Variants in REV3L observed in about 807,000 individuals in gnomAD.
REV3L encodes REV3 like, DNA directed polymerase zeta catalytic subunit.
Under a neutral mutation model 299.4 loss-of-function variants are expected in REV3L, and 69 were observed. The observed-to-expected ratio is 0.23, with a 90% CI of 0.19 to 0.28. The LOEUF (loss-of-function observed/expected upper bound fraction) is 0.28. REV3L is among the 10% of genes least tolerant of loss of function. The pLI is 1.00. For synonymous variants in REV3L, 1,238 were observed against 1,271.4 expected (o/e 0.97, Z 0.56); for missense variants, 3,128 against 3,693.8 (o/e 0.85, Z 3.97).
rs983796191 is a variant in REV3L at position 111,387,861 on chromosome 6, C to G, written c.1000G>C (p.Glu334Gln). Reference protein sequence around the residue: ...YSDGSQEFSAELTLHSEVLSP... With the variant: ...YSDGSQEFSAQLTLHSEVLSP... ...AGAACCTCAGAGTGCAATGTTAACTCAGCAGAGAACTCCTGGGATCCATCG... is the reference window on the plus strand; with the variant it reads ...AGAACCTCAGAGTGCAATGTTAACTGAGCAGAGAACTCCTGGGATCCATCG... Residue 334 changes from glutamate (E) to glutamine (Q), a missense_variant, in exon 9 of 32, where the codon GAG becomes CAG. Glu to Gln is a conservative substitution (Grantham distance 29). Coordinates refer to ENST00000368802, the MANE Select transcript of REV3L (RefSeq NM_001372078.1). 1.2e-6 allele frequency: 2 copies of G among 1,613,888 alleles called. No individual in the cohort carries two copies. The highest frequency in any genetic ancestry group is 1.7e-6 in the Non-Finnish European group (2 of 1,179,848).
At chr6:111,449,028 T>C (rs563763549) in intron 1 of REV3L, among the ~76,000 whole-genome samples, 1 of 152,134 alleles carries the variant, frequency 6.6e-6, no homozygotes, top group African/African-American at 2.4e-5. Context: ...GAATAGAAAA[T>C]GGAATATGAA....
intron 27 of REV3L, among the ~76,000 whole-genome samples, chr6:111,314,009 C>T (rs913945300): frequency 3.3e-5 from 5 of 152,190 alleles, no homozygotes; most frequent in African/African-American, 9.6e-5. Context: ...AGTGTTTAAG[C>T]GGGCTATTCT....
intron 16 of REV3L, among the ~76,000 whole-genome samples, chr6:111,359,822 T>C (rs1778470582): frequency 6.6e-6 from 1 of 152,184 alleles, no homozygotes; most frequent in South Asian, 2.1e-4. Flanking sequence ...TGTTTCAATA[T>C]TGGTAATTAT....
At chr6:111,422,607 T>TTTCCCCCCACTAA (rs1562286891) in intron 1 of REV3L, among the ~76,000 whole-genome samples, 4 of 17,874 alleles carry the variant, frequency 2.2e-4, no homozygotes, top group Admixed American at 7.5e-4. Flanking sequence ...CATATATATA[T>TTTCCCCCCACTAA]ATATACACAT....
At chr6:111,357,490 A>C (rs1778212504) in intron 17 of REV3L, among the ~76,000 whole-genome samples, 1 of 152,134 alleles carries the variant, frequency 6.6e-6, no homozygotes, top group African/African-American at 2.4e-5. Context: ...CAGGAGATCA[A>C]GACCATCCTG....
Position 111,367,471 on chromosome 6 carries a change from T to A in REV3L, c.6317A>T (p.Asp2106Val). ...GTAATAGTTATCATCATCATCTTCA[T>A]CTTTTTCGGGATCACTTGCAGAGGC... is the stretch of plus-strand genomic sequence containing the variant. Reference protein sequence around the residue: ...PVASASDPEKDEDDDDNYYIS... With the variant: ...PVASASDPEKVEDDDDNYYIS... Residue 2106 changes from aspartate (D) to valine (V), a missense_variant, in exon 14 of 32, where the codon GAT becomes GTT. By Grantham distance (152) the Asp-to-Val change is radical (BLOSUM62 -3). Coordinates refer to ENST00000368802, the MANE Select transcript of REV3L (RefSeq NM_001372078.1). The A allele has an allele frequency of 2.5e-6, 4 of 1,609,020 alleles. No homozygotes were observed. Among genetic ancestry groups the A allele is most frequent in the Non-Finnish European group, 3.4e-6 (4 of 1,176,716 alleles).
chr6:111,399,857 A>G (rs1051118834), intron 4 of REV3L, among the ~76,000 whole-genome samples: 1 of 152,182 alleles, frequency 6.6e-6, no homozygotes, highest in Non-Finnish European at 1.5e-5. Flanking sequence ...CCACCAACCC[A>G]GGACTGTACA....
At position 111,307,286 on chromosome 6, in the gene REV3L, A is replaced by G. The variant is rs531912810; in HGVS notation, c.9252+75T>C. 5.9e-5 allele frequency: 76 copies of G among 1,292,894 alleles called. No individual in the cohort carries two copies. In the African/African-American group the frequency reaches 8.7e-4, roughly 15 times the overall value. 80.1% of individuals were successfully genotyped at this position (1,292,894 alleles called of 1,614,324 possible). On this transcript the variant is annotated intron_variant, in intron 31 of 31. Coordinates refer to ENST00000368802, the MANE Select transcript of REV3L (RefSeq NM_001372078.1). ...TCACACCAGTTTTGTATCTCACACT[A>G]TAATTCAAGAGTGACTATATCTTCC...
intron 1 of REV3L, among the ~76,000 whole-genome samples, chr6:111,460,093 A>G (rs973154876): frequency 2.0e-5 from 3 of 152,178 alleles, no homozygotes; most frequent in Non-Finnish European, 4.4e-5. Context: ...AGCCACAGAA[A>G]GAACAAAATC....
Position 111,350,180 on chromosome 6 carries a change from C to T in REV3L, c.7301-844G>A, listed in dbSNP as rs540043620. 6.6e-5 allele frequency among the ~76,000 whole-genome samples: 10 copies of T among 152,142 alleles called. No homozygotes were observed. The South Asian group carries it at 1.7e-3, about 25-fold the overall frequency. ...TTAGTATAATTTTCATTTTGTATTACGGAAAATTCTACTCAGAAATGTTAT... is the reference window on the plus strand; with the variant it reads ...TTAGTATAATTTTCATTTTGTATTATGGAAAATTCTACTCAGAAATGTTAT... On this transcript the variant is annotated intron_variant, in intron 19 of 31. Transcript: ENST00000368802.
chr6:111,434,851 G>C (rs1787365551), intron 1 of REV3L, among the ~76,000 whole-genome samples: 1 of 152,138 alleles, frequency 6.6e-6, no homozygotes, highest in African/African-American at 2.4e-5. Flanking sequence ...AGAAATTAAA[G>C]AGGACACAGA....
Position 111,318,157 on chromosome 6 carries a change from G to A in REV3L, c.8352-2776C>T, listed in dbSNP as rs139312787. 8.2e-3 allele frequency among the ~76,000 whole-genome samples: 1,237 copies of A among 151,046 alleles called. 3 individuals are homozygous for A. Among genetic ancestry groups the A allele is most frequent in the African/African-American group, 0.014 (564 of 41,134 alleles). On this transcript the variant is annotated intron_variant, in intron 26 of 31. Transcript: ENST00000368802. ...GGCTGGGGTGCAGTGGCGCGATCTCGGCTCACTGCAAGCTCCAACTCCTGA... is the reference window on the plus strand; with the variant it reads ...GGCTGGGGTGCAGTGGCGCGATCTCAGCTCACTGCAAGCTCCAACTCCTGA...
intron 20 of REV3L, 100 bp from the exon 21 acceptor site, chr6:111,344,143 A>C: frequency 2.9e-6 from 2 of 692,680 alleles, no homozygotes; most frequent in Non-Finnish European, 4.8e-6. Context: ...TTCATAGTAG[A>C]TATTAAAGCT....
intron 27 of REV3L, among the ~76,000 whole-genome samples, chr6:111,315,040 G>A (rs908315368): frequency 2.0e-5 from 3 of 151,732 alleles, no homozygotes; most frequent in Admixed American, 6.6e-5. Flanking sequence ...TGTAGAGATG[G>A]GGTCTGGCTA....
intron 1 of REV3L, chr6:111,430,685 A>C: frequency 6.5e-7 from 1 of 1,531,270 alleles, no homozygotes. Context: ...ACACGCCTTC[A>C]AGAGTCCCAG....
At position 111,382,245 on chromosome 6, in the gene REV3L, T is replaced by TA. The variant is rs572961885; in HGVS notation, c.1097-802dup. 1.5e-3 allele frequency among the ~76,000 whole-genome samples: 223 copies of TA among 152,074 alleles called. 1 individual carries two copies. Among genetic ancestry groups the TA allele is most frequent in the Non-Finnish European group, 2.8e-3 (188 of 67,972 alleles). Reference sequence around the variant, plus strand: ...ACACAAGAAAGCGCCTTCATTAGAATAAAAAATCAGGAGAGCAATCACAGT... The same window carrying TA: ...ACACAAGAAAGCGCCTTCATTAGAATAAAAAAATCAGGAGAGCAATCACAGT... On this transcript the variant is annotated intron_variant, in intron 9 of 31. Coordinates refer to ENST00000368802, the MANE Select transcript of REV3L (RefSeq NM_001372078.1).
intron 1 of REV3L, among the ~76,000 whole-genome samples, chr6:111,448,907 C>T (rs912363278): frequency 1.3e-5 from 2 of 151,164 alleles, no homozygotes; most frequent in African/African-American, 4.9e-5. Context: ...AAGCAATCTT[C>T]CTGCCCCGGC....
intron 26 of REV3L, chr6:111,315,719 A>G (rs1452861398): frequency 4.3e-6 from 1 of 232,506 alleles, no homozygotes; most frequent in East Asian, 9.2e-5. Flanking sequence ...GACTGATACC[A>G]GTCAGTCTGT....
Position 111,380,147 on chromosome 6 carries a change from C to G in REV3L, c.1289G>C (p.Arg430Thr). The change falls in exon 11 of 32, where the codon AGA becomes ACA. Residue 430 changes from arginine (R) to threonine (T), a missense_variant. Arg to Thr is a moderately conservative substitution (Grantham distance 71). This residue lies in a region of REV3L where 2,409 missense variants were observed against 2,611.8 expected (regional missense o/e 0.92). Coordinates refer to ENST00000368802, the MANE Select transcript of REV3L (RefSeq NM_001372078.1). ...GLESDGYRGE[R>T]NRMPSPCRSF... is the part of the protein sequence containing the mutation. ...GCGACATGGTGATGGCATCCTATTT[C>G]TTTCCCCCCGATATCCATCACTTTC... 5.6e-6 allele frequency: 9 copies of G among 1,614,102 alleles called. No homozygotes were observed. The highest frequency in any genetic ancestry group is 6.8e-6 in the Non-Finnish European group (8 of 1,179,972).
Sources: allele counts gnomAD v4.1 joint callset (sites outside exome capture counted in the v4.1 genomes callset), GRCh38; gene constraint gnomAD v4.1.1; regional missense constraint gnomAD v4.1.1; transcripts MANE v1.5; gene names NCBI Gene and HGNC (gene_info 2026-07-23, HGNC 2026-07-21).